DPP6: variants seen among roughly 807,000 people sequenced by gnomAD.
The protein encoded by DPP6 is A-type potassium channel modulatory protein DPP6.
A neutral mutation model predicts 122.6 loss-of-function variants in DPP6; 69 were observed. The ratio of observed to expected loss-of-function variants is 0.56; its 90% CI spans 0.46 to 0.69. DPP6 has a LOEUF of 0.69. DPP6 is among the 30% of genes least tolerant of loss of function. DPP6 has a pLI of 0.00. For missense variants in DPP6, 928 were observed against 1,116.9 expected, an observed-to-expected ratio of 0.83 and a Z score of 2.41; for synonymous variants, 418 against 433.1, an observed-to-expected ratio of 0.97 and a Z score of 0.43.
At chr7:154,363,319 ACAG>A (rs1811892165) in intron 1 of DPP6, among the ~76,000 whole-genome samples, 1 of 152,188 alleles carries the variant, frequency 6.6e-6, no homozygotes, top group Admixed American at 6.5e-5. Flanking sequence ...AGTTACTAGA[ACAG>A]GAATTTTCAA....
chr7:154,712,956 A>G (rs1189661165), intron 7 of DPP6, among the ~76,000 whole-genome samples: 2 of 152,226 alleles, frequency 1.3e-5, no homozygotes, highest in Non-Finnish European at 2.9e-5. Flanking sequence ...GAGACAAGGC[A>G]AGTCCCTTTT....
At chr7:154,130,224 A>G (rs1382285781) in intron 1 of DPP6, among the ~76,000 whole-genome samples, 1 of 152,208 alleles carries the variant, frequency 6.6e-6, no homozygotes, top group African/African-American at 2.4e-5. Context: ...AGCTGTTGGC[A>G]GGGATGTGTC....
chr7:154,562,964 TTACACTC>T (rs148655534), intron 4 of DPP6, among the ~76,000 whole-genome samples: 3,471 of 152,212 alleles, frequency 0.023, 139 homozygotes, highest in African/African-American at 0.079. Flanking sequence ...TTCAAGGTGT[TTACACTC>T]TAATGAAGAA....
intron 1 of DPP6, among the ~76,000 whole-genome samples, chr7:154,183,708 C>T (rs1454531862): frequency 6.6e-6 from 1 of 152,188 alleles, no homozygotes; most frequent in Non-Finnish European, 1.5e-5. Context: ...GAGAGAACGA[C>T]GGACAATTAG....
intron 1 of DPP6, among the ~76,000 whole-genome samples, chr7:154,360,379 C>A (rs1431243727): frequency 6.6e-6 from 1 of 152,124 alleles, no homozygotes. Context: ...CCTTTCACAG[C>A]AACAATTTCA....
intron 1 of DPP6, among the ~76,000 whole-genome samples, chr7:154,405,580 T>G (rs1387597465): frequency 6.8e-6 from 1 of 147,602 alleles, no homozygotes; most frequent in African/African-American, 2.5e-5. Flanking sequence ...GTGTAGGGAG[T>G]GGTATTTCCC....
At chr7:153,812,738 G>A in the DPP6 span, among the ~76,000 whole-genome samples, 1 of 152,254 alleles carries the variant, frequency 6.6e-6, no homozygotes, top group African/African-American at 2.4e-5. Flanking sequence ...CTTGACTCAG[G>A]CATTGAAGTA....
intron 3 of DPP6, among the ~76,000 whole-genome samples, chr7:154,530,033 G>T (rs993550184): frequency 2.6e-5 from 4 of 152,022 alleles, no homozygotes; most frequent in African/African-American, 9.7e-5. Flanking sequence ...GGCTAAGGCA[G>T]GAGAATCGCT....
chr7:153,965,565 C>T lies in DPP6; in HGVS notation c.51+77831C>T, dbSNP rs182038278. Among the ~76,000 whole-genome samples the T allele has an allele frequency of 2.6e-4, 39 of 152,168 alleles. No individual in the cohort carries two copies. In the East Asian group the frequency reaches 3.7e-3, roughly 14 times the overall value. On this transcript the variant is annotated intron_variant, in intron 1 of 25. Coordinates refer to the DPP6 transcript ENST00000404039. ...TCTCGCTGTGTCCCCCAGGTTGGAG[C>T]ACAGTGGCGCGATTTCAGCTCACTG... is the stretch of plus-strand genomic sequence containing the variant.
rs986741929 is a variant in DPP6 at position 154,707,957 on chromosome 7, A to G, written c.763-19810A>G. Among the ~76,000 whole-genome samples, 3 of 152,288 alleles carry G rather than the reference A, an allele frequency of 2.0e-5. 1 individual carries two copies. The highest frequency in any genetic ancestry group is 7.2e-5 in the African/African-American group (3 of 41,566). On this transcript the variant is annotated intron_variant, in intron 7 of 25. Transcript: ENST00000377770. Reference sequence around the variant, plus strand: ...ATTTGGGTAGGGACACAGCCAAACCATGTCATCCTCTATCCATCCGTTACA... The same window carrying G: ...ATTTGGGTAGGGACACAGCCAAACCGTGTCATCCTCTATCCATCCGTTACA...
chr7:154,524,392 A>G (rs542541826), intron 3 of DPP6, among the ~76,000 whole-genome samples: 1 of 152,320 alleles, frequency 6.6e-6, no homozygotes, highest in East Asian at 1.9e-4. Context: ...TGTGTAATAA[A>G]CAACTAACAA....
chr7:153,775,858 T>C, the DPP6 span, among the ~76,000 whole-genome samples: 1 of 152,132 alleles, frequency 6.6e-6, no homozygotes, highest in East Asian at 1.9e-4. Flanking sequence ...TTGGACTAAA[T>C]CTAAAAAATA....
intron 1 of DPP6, among the ~76,000 whole-genome samples, chr7:154,087,640 G>A (rs911076614): frequency 1.6e-4 from 24 of 152,178 alleles, no homozygotes; most frequent in Non-Finnish European, 1.3e-4. Flanking sequence ...AGCCAGGAGA[G>A]AATGAAGGCT....
At chr7:154,485,473 A>C (rs551489072) in intron 3 of DPP6, among the ~76,000 whole-genome samples, 1 of 152,298 alleles carries the variant, frequency 6.6e-6, no homozygotes, top group Non-Finnish European at 1.5e-5. Context: ...TTCGTGCAGT[A>C]AAATCTGTCC....
chr7:153,758,844 GT>G, the DPP6 span, among the ~76,000 whole-genome samples: 11 of 152,044 alleles, frequency 7.2e-5, no homozygotes, highest in Admixed American at 2.0e-4. Context: ...TTATGTACAA[GT>G]TTTTATATGG....
intron 1 of DPP6, among the ~76,000 whole-genome samples, chr7:154,390,237 T>C (rs78019232): frequency 0.023 from 3,553 of 152,230 alleles, 144 homozygotes; most frequent in African/African-American, 0.081. Flanking sequence ...GGTGGAGGGT[T>C]AAAGTAAGAC....
At chr7:154,823,570 A>G (rs537974673) in intron 16 of DPP6, among the ~76,000 whole-genome samples, 2 of 152,208 alleles carry the variant, frequency 1.3e-5, no homozygotes, top group Non-Finnish European at 2.9e-5. Context: ...AACATAAAGA[A>G]AAAGTCACTA....
intron 7 of DPP6, among the ~76,000 whole-genome samples, chr7:154,711,772 C>T (rs946545444): frequency 5.3e-5 from 8 of 152,116 alleles, no homozygotes; most frequent in African/African-American, 1.9e-4. Flanking sequence ...CAAATCGTGC[C>T]TGATTATAGT....
chr7:154,568,925 A>C (rs1396644844), intron 5 of DPP6, among the ~76,000 whole-genome samples: 1 of 152,232 alleles, frequency 6.6e-6, no homozygotes, highest in African/African-American at 2.4e-5. Context: ...AGCACTGAGC[A>C]GTTACTGTAT....
Sources: allele counts gnomAD v4.1 joint callset (sites outside exome capture counted in the v4.1 genomes callset), GRCh38; gene constraint gnomAD v4.1.1; transcripts MANE v1.5; gene names NCBI Gene and HGNC (gene_info 2026-07-23, HGNC 2026-07-21).